Variants in SLIT3 observed in about 807,000 individuals in gnomAD.
The protein encoded by SLIT3 is slit homolog 3 protein.
In SLIT3, 68 loss-of-function variants were observed where a neutral mutation model predicts 184.0. That is an observed-to-expected ratio of 0.37 (90% CI 0.30 to 0.45). SLIT3 has a LOEUF of 0.45. Ranked by LOEUF, SLIT3 falls within the 20% of genes least tolerant of loss-of-function variation. SLIT3 has a pLI of 1.00. For missense variants in SLIT3, 1,707 were observed against 2,026.0 expected, an observed-to-expected ratio of 0.84 and a Z score of 3.02; for synonymous variants, 831 against 828.6, an observed-to-expected ratio of 1.00 and a Z score of -0.05.
intron 7 of SLIT3, among the ~76,000 whole-genome samples, chr5:168,820,190 G>C (rs1321244556): frequency 6.6e-6 from 1 of 152,128 alleles, no homozygotes; most frequent in African/African-American, 2.4e-5. Context: ...CAATAGTTTT[G>C]GTGAGGTGTG....
intron 4 of SLIT3, among the ~76,000 whole-genome samples, chr5:169,075,652 G>T (rs994086029): frequency 1.3e-5 from 2 of 152,216 alleles, no homozygotes; most frequent in Admixed American, 6.5e-5. Flanking sequence ...GGAAGCAAAA[G>T]AGAGACTTGG....
intron 12 of SLIT3, among the ~76,000 whole-genome samples, chr5:168,780,147 C>T (rs1010698420): frequency 7.9e-5 from 12 of 152,260 alleles, no homozygotes; most frequent in African/African-American, 2.4e-4. Context: ...ATTCTGGTGG[C>T]GTCCACACTT....
chr5:169,285,961 G>A (rs1218555541), intron 1 of SLIT3, among the ~76,000 whole-genome samples: 2 of 152,206 alleles, frequency 1.3e-5, no homozygotes, highest in East Asian at 3.9e-4. Flanking sequence ...TGATAAAATG[G>A]TTGTCACTTT....
At chr5:168,723,955 T>C (rs1351734885) in intron 21 of SLIT3, among the ~76,000 whole-genome samples, 1 of 152,202 alleles carries the variant, frequency 6.6e-6, no homozygotes, top group Non-Finnish European at 1.5e-5. Flanking sequence ...GCTCCCTCAG[T>C]GACATTTGGC....
At chr5:168,720,848 C>T (rs760390771) in intron 23 of SLIT3, 4 of 152,124 alleles carry the variant, frequency 2.6e-5, no homozygotes, top group Non-Finnish European at 5.9e-5. Flanking sequence ...TTTTGTGGGC[C>T]TCAATAAATC....
intron 4 of SLIT3, among the ~76,000 whole-genome samples, chr5:168,889,507 G>T (rs1280193326): frequency 6.6e-6 from 1 of 152,222 alleles, no homozygotes; most frequent in African/African-American, 2.4e-5. Context: ...TCATTGCAGT[G>T]AGAGTTTACT....
intron 1 of SLIT3, among the ~76,000 whole-genome samples, chr5:169,255,223 C>T (rs1394684336): frequency 6.6e-6 from 1 of 152,200 alleles, no homozygotes; most frequent in East Asian, 1.9e-4. Flanking sequence ...TTAGAGCATA[C>T]TCCTTCTACT....
intron 5 of SLIT3, among the ~76,000 whole-genome samples, chr5:168,881,787 C>T (rs1759963205): frequency 6.6e-6 from 1 of 152,188 alleles, no homozygotes; most frequent in South Asian, 2.1e-4. Context: ...TTTTCTGTAT[C>T]TCATTTTCTC....
At chr5:169,295,329 C>T (rs565383026) in intron 1 of SLIT3, among the ~76,000 whole-genome samples, 37 of 152,338 alleles carry the variant, frequency 2.4e-4, no homozygotes, top group African/African-American at 8.9e-4. Flanking sequence ...GTAGAGTCAT[C>T]ATACATATTT....
chr5:168,914,469 T>G lies in SLIT3; in HGVS notation c.414-31133A>C, dbSNP rs1018078213. Among the ~76,000 whole-genome samples, 4 of 152,208 alleles carry G rather than the reference T, an allele frequency of 2.6e-5. No individual in the cohort carries two copies. The East Asian group carries it at 5.8e-4, about 22-fold the overall frequency. ...CACACAGAAAATGCAGAGCATATGC[T>G]AAATGGGCACTTTCCACTAGCTGCT... On this transcript the variant is annotated intron_variant, in intron 4 of 35. Coordinates refer to ENST00000519560, the MANE Select transcript of SLIT3 (RefSeq NM_003062.4).
At chr5:169,135,529 A>C (rs1761470534) in intron 4 of SLIT3, among the ~76,000 whole-genome samples, 1 of 152,104 alleles carries the variant, frequency 6.6e-6, no homozygotes, top group African/African-American at 2.4e-5. Context: ...ACTAGCAGGA[A>C]CACAGAAACA....
Position 168,749,480 on chromosome 5 carries a change from G to A in SLIT3, c.2129C>T (p.Thr710Ile), listed in dbSNP as rs1008352683. The A allele has an allele frequency of 1.2e-6, 2 of 1,614,002 alleles. No individual in the cohort carries two copies. Among genetic ancestry groups the A allele is most frequent in the Admixed American group, 3.3e-5 (2 of 60,006 alleles). The stretch of plus-strand genomic sequence containing the variant: ...ACCCACAGCCTTCTTACCATCACAG[G>A]TGAAGTCCTGGATGGCCACATCCTG... Reference protein sequence around the residue: ...PIQDVAIQDFTCDGNEESSCQ... With the variant: ...PIQDVAIQDFICDGNEESSCQ... Residue 710 changes from threonine (T) to isoleucine (I), a missense_variant, in exon 19 of 36, where the codon ACC (threonine) becomes ATC (isoleucine). Thr to Ile is a moderately conservative substitution (Grantham distance 89, BLOSUM62 -1). This residue lies in a region of SLIT3 where 1,307 missense variants were observed against 1,511.6 expected (regional missense o/e 0.86). Transcript: ENST00000519560.
chr5:168,817,867 C>T (rs927013862), intron 7 of SLIT3, among the ~76,000 whole-genome samples: 2 of 152,178 alleles, frequency 1.3e-5, no homozygotes, highest in Non-Finnish European at 2.9e-5. Flanking sequence ...TTGAAACATG[C>T]TTCTCAATCT....
intron 4 of SLIT3, among the ~76,000 whole-genome samples, chr5:168,907,789 C>T (rs1048632190): frequency 6.6e-6 from 1 of 151,304 alleles, no homozygotes; most frequent in African/African-American, 2.4e-5. Context: ...TCTGTTTATA[C>T]ATACACATGT....
chr5:168,935,879 A>C (rs1418012943), intron 4 of SLIT3, among the ~76,000 whole-genome samples: 1 of 152,080 alleles, frequency 6.6e-6, no homozygotes, highest in Non-Finnish European at 1.5e-5. Context: ...ATTTTTGTTT[A>C]AAGAATATTC....
intron 35 of SLIT3, chr5:168,666,894 A>AGGTGTAAGCCTGT: frequency 1.3e-6 from 1 of 783,118 alleles, no homozygotes; most frequent in Non-Finnish European, 2.1e-6. Flanking sequence ...TGACAGGCTT[A>AGGTGTAAGCCTGT]CACCTAAGCC....
intron 20 of SLIT3, among the ~76,000 whole-genome samples, chr5:168,729,473 A>C (rs1014432530): frequency 6.6e-6 from 1 of 152,088 alleles, no homozygotes; most frequent in Non-Finnish European, 1.5e-5. Context: ...GTTAGAAGAG[A>C]AATGTGATGG....
chr5:169,263,656 G>GT (rs1766286695), intron 1 of SLIT3: 1 of 507,762 alleles, frequency 2.0e-6, no homozygotes, highest in Admixed American at 2.2e-5. Context: ...TTCTCTGGGC[G>GT]TATCTGTGTG....
chr5:168,693,257 G>A (rs1019654098), intron 28 of SLIT3, among the ~76,000 whole-genome samples: 1 of 152,206 alleles, frequency 6.6e-6, no homozygotes, highest in African/African-American at 2.4e-5. Context: ...CCTCCCCCAG[G>A]AGGTCAGAGG....
Sources: gnomAD v4.1 joint callset for allele counts (sites outside exome capture counted in the v4.1 genomes callset) on GRCh38, gnomAD v4.1.1 for gene constraint, gnomAD v4.1.1 regional missense constraint, MANE v1.5 for transcripts, NCBI Gene and HGNC (gene_info 2026-07-23, HGNC 2026-07-21) for gene names.